FANCA: variants seen among roughly 807,000 people sequenced by gnomAD.
FANCA encodes the protein FA complementation group A.
FANCA carries 236 observed loss-of-function variants against 194.3 expected under a neutral mutation model. The ratio of observed to expected loss-of-function variants is 1.21; its 90% CI spans 1.09 to 1.35. The LOEUF (loss-of-function observed/expected upper bound fraction) is 1.35. Ranked by LOEUF, FANCA falls within the 40% of genes most tolerant of loss-of-function variation. FANCA has a pLI of 0.00. For synonymous variants in FANCA, 1,014 were observed against 715.8 expected (o/e 1.42, Z -6.65); for missense variants, 2,628 against 1,813.9 (o/e 1.45, Z -8.15).
chr16:89,816,018 A>G (rs2041104360), intron 1 of FANCA, 32 bp from the exon 2 acceptor site: 3 of 1,544,978 alleles, frequency 1.9e-6, no homozygotes, highest in Non-Finnish European at 1.8e-6. Flanking sequence ...AAACCATCAC[A>G]GCACAATTCA....
chr16:89,739,831 C>G (rs1461106894), intron 39 of FANCA, 163 bp downstream of exon 39: 15 of 1,483,228 alleles, frequency 1.0e-5, no homozygotes, highest in Non-Finnish European at 1.3e-5. Flanking sequence ...AGTAAATTAT[C>G]TTATTGCTTT....
chr16:89,760,067 T>C (rs150774939), intron 29 of FANCA, among the ~76,000 whole-genome samples: 18 of 152,362 alleles, frequency 1.2e-4, no homozygotes, highest in Non-Finnish European at 2.5e-4. Flanking sequence ...AGAATGTATC[T>C]AAGTATCACT....
chr16:89,790,924 G>A (rs2040048909), intron 14 of FANCA: 1 of 200,722 alleles, frequency 5.0e-6, no homozygotes, highest in South Asian at 8.5e-5. Flanking sequence ...TGATCTCCCA[G>A]GCTCAAGTAA....
chr16:89,781,577 G>A (rs553529785), intron 17 of FANCA, among the ~76,000 whole-genome samples: 2 of 151,222 alleles, frequency 1.3e-5, no homozygotes, highest in South Asian at 2.1e-4. Flanking sequence ...TGGAGAGGCT[G>A]AGGCAGGAGA....
intron 7 of FANCA, among the ~76,000 whole-genome samples, chr16:89,803,867 C>T (rs1384090581): frequency 1.3e-5 from 2 of 152,146 alleles, no homozygotes; most frequent in Non-Finnish European, 2.9e-5. Flanking sequence ...GATCCACCTG[C>T]CTTGGCCTCC....
At chr16:89,791,033 T>A (rs1271681313) in intron 14 of FANCA, 1 of 188,458 alleles carries the variant, frequency 5.3e-6, no homozygotes, top group South Asian at 1.1e-4. Context: ...GTTTTTTTTT[T>A]TTTTTTTTTT....
At chr16:89,770,488 TG>T in intron 24 of FANCA, 75 bp downstream of exon 24, 1 of 1,370,472 alleles carries the variant, frequency 7.3e-7, no homozygotes, top group Non-Finnish European at 1.0e-6. Context: ...CATGAGTCCC[TG>T]GTCTGCAGAC....
At chr16:89,796,069 C>A in intron 10 of FANCA, 51 bp from the exon 11 acceptor site, 1 of 1,374,078 alleles carries the variant, frequency 7.3e-7, no homozygotes, top group Non-Finnish European at 1.0e-6. Context: ...GCCTTGCACG[C>A]CACCCACCAA....
rs781159126 is a variant in FANCA, at chr16:89,791,391, C to T, written c.1359+12G>A. 1.2e-6 allele frequency: 2 copies of T among 1,613,378 alleles called. No individual in the cohort carries two copies. The highest frequency in any genetic ancestry group is 8.5e-7 in the Non-Finnish European group (1 of 1,179,676). On this transcript the variant is annotated intron_variant, in intron 14 of 42. Coordinates refer to ENST00000389301, the MANE Select transcript of FANCA (RefSeq NM_000135.4). ...GATCAGGTATTAGGTAGCCGATTGG[C>T]AGGTCACTTACCTTGAACCAGTCTG...
At chr16:89,814,249 C>G (rs17232141) in intron 3 of FANCA, among the ~76,000 whole-genome samples, 3 of 152,212 alleles carry the variant, frequency 2.0e-5, no homozygotes, top group African/African-American at 7.2e-5. Flanking sequence ...GGGCACATCC[C>G]TGCTGTTGCT....
intron 11 of FANCA, among the ~76,000 whole-genome samples, chr16:89,795,653 A>C (rs912842130): frequency 6.6e-6 from 1 of 152,206 alleles, no homozygotes; most frequent in Non-Finnish European, 1.5e-5. Context: ...AACAAACAAA[A>C]AAGATATTTC....
intron 35 of FANCA, 80 bp from the exon 36 acceptor site, chr16:89,745,151 A>C (rs1200927793): frequency 2.9e-6 from 4 of 1,368,584 alleles, no homozygotes; most frequent in African/African-American, 1.4e-5. Flanking sequence ...ACAAGCCCCC[A>C]GTGCTCCTAC....
At chr16:89,745,115 G>C (rs1345235314) in intron 35 of FANCA, 44 bp from the exon 36 acceptor site, 9 of 1,515,564 alleles carry the variant, frequency 5.9e-6, no homozygotes, top group Admixed American at 2.0e-5. Context: ...GGCTGAGATG[G>C]ACACACCTCC....
chr16:89,746,617 C>T lies in FANCA; in HGVS notation c.3480G>A (p.Gln1160=), dbSNP rs983310870. The T allele has an allele frequency of 4.3e-6, 7 of 1,614,202 alleles. No homozygotes were observed. In the East Asian group the frequency reaches 1.6e-4, roughly 36 times the overall value. The part of the protein sequence containing the change: ...LMVDFILAKC[Q]TKCPLILTSA... ...AGGTCAAAATTAAGGGGCATTTCGT[C>T]TGGCACTTGGCCAGTATGAAGTCGA... The change falls in exon 35 of 43, where the codon CAG becomes CAA. Residue 1160 remains glutamine, a synonymous_variant. Coordinates refer to ENST00000389301, the MANE Select transcript of FANCA (RefSeq NM_000135.4).
At chr16:89,816,429 G>T in intron 1 of FANCA, 108 bp downstream of exon 1, 1 of 1,038,110 alleles carries the variant, frequency 9.6e-7, no homozygotes, top group Non-Finnish European at 1.3e-6. Flanking sequence ...CGGGCGCGGC[G>T]TCCGGGGATC....
chr16:89,783,908 C>T (rs1439827534), intron 15 of FANCA, among the ~76,000 whole-genome samples: 4 of 152,138 alleles, frequency 2.6e-5, no homozygotes, highest in Non-Finnish European at 5.9e-5. Context: ...GGACTACGCG[C>T]GCGCTACCAC....
intron 2 of FANCA, 41 bp downstream of exon 2, chr16:89,815,836 A>C (rs761727807): frequency 1.3e-6 from 2 of 1,493,842 alleles, no homozygotes; most frequent in East Asian, 4.5e-5. Context: ...AAAAACCCCG[A>C]ACCTAAATCT....
At chr16:89,766,203 G>C (rs931137694) in intron 27 of FANCA, among the ~76,000 whole-genome samples, 11 of 151,384 alleles carry the variant, frequency 7.3e-5, no homozygotes, top group Non-Finnish European at 1.6e-4. Context: ...CACCATGTTG[G>C]CCAGGCTGGT....
chr16:89,811,165 G>T, intron 3 of FANCA, 94 bp from the exon 4 acceptor site: 3 of 1,532,840 alleles, frequency 2.0e-6, no homozygotes, highest in Non-Finnish European at 1.8e-6. Flanking sequence ...ATTTTAAGAT[G>T]CAGCACAAAA....
Sources: gnomAD v4.1 joint callset for allele counts (sites outside exome capture counted in the v4.1 genomes callset) on GRCh38, gnomAD v4.1.1 for gene constraint, MANE v1.5 for transcripts, NCBI Gene and HGNC (gene_info 2026-07-23, HGNC 2026-07-21) for gene names.